The following ZNF536 variants were observed in gnomAD, a reference collection of about 807,000 sequenced individuals.
The protein encoded by ZNF536 is zinc finger protein 536.
In ZNF536, 13 loss-of-function variants were observed where a neutral mutation model predicts 84.5. The ratio of observed to expected loss-of-function variants is 0.15; its 90% CI spans 0.10 to 0.24. ZNF536 has a LOEUF of 0.24. ZNF536 is among the 10% of genes least tolerant of loss of function. The pLI is 1.00. For missense variants in ZNF536, 1,536 were observed against 1,747.5 expected, an observed-to-expected ratio of 0.88 and a Z score of 2.16; for synonymous variants, 811 against 742.5, an observed-to-expected ratio of 1.09 and a Z score of -1.50.
chr19:30,295,814 T>C (rs2045978658), intron 2 of ZNF536, among the ~76,000 whole-genome samples: 1 of 152,214 alleles, frequency 6.6e-6, no homozygotes, highest in Admixed American at 6.5e-5. Context: ...GAATGTTCAT[T>C]CTTTAATTGA....
chr19:30,319,276 A>G (rs2046780938), intron 2 of ZNF536, among the ~76,000 whole-genome samples: 1 of 152,208 alleles, frequency 6.6e-6, no homozygotes, highest in Non-Finnish European at 1.5e-5. Context: ...CTGGAATGAT[A>G]TTCTGCCTTT....
intron 1 of ZNF536, among the ~76,000 whole-genome samples, chr19:30,594,124 A>C (rs959633808): frequency 6.6e-6 from 1 of 152,190 alleles, no homozygotes; most frequent in Non-Finnish European, 1.5e-5. Flanking sequence ...CTTTCTCTGC[A>C]TTCCCCAGAA....
intron 1 of ZNF536, among the ~76,000 whole-genome samples, chr19:30,424,811 G>A (rs75397837): frequency 0.018 from 2,813 of 152,290 alleles, 90 homozygotes; most frequent in African/African-American, 0.063. Context: ...CAAATGGCTA[G>A]GAGGCAGCTG....
intron 1 of ZNF536, among the ~76,000 whole-genome samples, chr19:30,380,224 AT>A (rs1471233274): frequency 1.3e-5 from 2 of 151,980 alleles, no homozygotes; most frequent in Non-Finnish European, 1.5e-5. Flanking sequence ...CTTTTGTCCC[AT>A]TTTCACATGG....
chr19:30,430,048 G>T (rs2051383496), intron 1 of ZNF536, among the ~76,000 whole-genome samples: 1 of 151,944 alleles, frequency 6.6e-6, no homozygotes. Context: ...GTGAAGGGTG[G>T]GGGAGGGGAT....
At chr19:30,626,997 T>A (rs11881705) in intron 1 of ZNF536, among the ~76,000 whole-genome samples, 4,063 of 152,222 alleles carry the variant, frequency 0.027, 180 homozygotes, top group African/African-American at 0.092. Context: ...ATGATGGGAC[T>A]GGCAGTAAGG....
At chr19:30,386,061 T>G (rs150064631) in intron 1 of ZNF536, among the ~76,000 whole-genome samples, 1 of 152,186 alleles carries the variant, frequency 6.6e-6, no homozygotes, top group African/African-American at 2.4e-5. Context: ...TGGTGTTGCA[T>G]CCAAGGCCCC....
At chr19:30,276,976 T>C (rs1303237558) in intron 1 of ZNF536, among the ~76,000 whole-genome samples, 1 of 152,218 alleles carries the variant, frequency 6.6e-6, no homozygotes, top group Non-Finnish European at 1.5e-5. Context: ...ACAGAGCTGA[T>C]GAGCCCAATC....
intron 1 of ZNF536, among the ~76,000 whole-genome samples, chr19:30,683,966 A>G (rs35425489): frequency 0.042 from 6,355 of 152,172 alleles, 169 homozygotes; most frequent in Middle Eastern, 0.078. Flanking sequence ...GCTTTTTTTG[A>G]TACATTAAGA....
chr19:30,333,165 A>G (rs1568338446), intron 2 of ZNF536, among the ~76,000 whole-genome samples: 1 of 151,524 alleles, frequency 6.6e-6, no homozygotes, highest in Non-Finnish European at 1.5e-5. Context: ...AAATAAATTA[A>G]TAAGTAAGTA....
At chr19:30,442,183 A>T (rs556403458) in intron 1 of ZNF536, among the ~76,000 whole-genome samples, 1 of 152,300 alleles carries the variant, frequency 6.6e-6, no homozygotes, top group South Asian at 2.1e-4. Flanking sequence ...AAATAGAAGG[A>T]TCCCAGGCAG....
chr19:30,250,752 C>T (rs1408345942), intron 1 of ZNF536, among the ~76,000 whole-genome samples: 1 of 152,106 alleles, frequency 6.6e-6, no homozygotes, highest in Non-Finnish European at 1.5e-5. Flanking sequence ...TACCACTCCC[C>T]CCATATGATT....
rs1436223097 is a variant in ZNF536 at position 30,228,753 on chromosome 19, G to T, written c.-190+80G>T. 6.6e-6 allele frequency: 1 copy of T among 151,014 alleles called. No homozygotes were observed. Among genetic ancestry groups the T allele is most frequent in the Non-Finnish European group, 1.5e-5 (1 of 67,750 alleles). The allele number at this position is 151,014 out of a possible 1,614,324, so 9.4% of individuals were successfully genotyped here. ...AGCGAGGTGCCGCGAGCTGCGCGCCGCCCCGGGCCGGCCTCGCGTGTGGGC... is the reference window on the plus strand; with the variant it reads ...AGCGAGGTGCCGCGAGCTGCGCGCCTCCCCGGGCCGGCCTCGCGTGTGGGC... On this transcript the variant is annotated intron_variant, in intron 1 of 5. Coordinates refer to the ZNF536 transcript ENST00000585628. The surrounding 1 kb of genome is among the most constrained non-coding windows in gnomAD (Gnocchi z 4.5).
chr19:30,477,282 C>G (rs1055718484), intron 2 of ZNF536, among the ~76,000 whole-genome samples: 1 of 152,126 alleles, frequency 6.6e-6, no homozygotes, highest in African/African-American at 2.4e-5. Flanking sequence ...AATGCAGGTT[C>G]TATGAGGGCA....
intron 3 of ZNF536, among the ~76,000 whole-genome samples, chr19:30,544,478 TCTAAAGA>T (rs1418979623): frequency 1.3e-5 from 2 of 152,182 alleles, no homozygotes; most frequent in African/African-American, 2.4e-5. Flanking sequence ...TATTTTGAAC[TCTAAAGA>T]CAGTGGGTGG....
At position 30,251,294 on chromosome 19, in the gene ZNF536, A is replaced by G. The variant is rs185691630; in HGVS notation, c.-190+22621A>G. On this transcript the variant is annotated intron_variant, in intron 1 of 5. Coordinates refer to the ZNF536 transcript ENST00000585628. ...ACCCATCTAGTAGATTAATGTGGACAATGATGAAATGATGGTTCACAGGTG... is the reference window on the plus strand; with the variant it reads ...ACCCATCTAGTAGATTAATGTGGACGATGATGAAATGATGGTTCACAGGTG... Among the ~76,000 whole-genome samples, 123 of 152,322 alleles carry G rather than the reference A, an allele frequency of 8.1e-4. 2 individuals carry two copies. In the Middle Eastern group the frequency reaches 0.017, roughly 21 times the overall value.
intron 2 of ZNF536, among the ~76,000 whole-genome samples, chr19:30,301,973 C>T (rs1600138503): frequency 6.6e-6 from 1 of 152,186 alleles, no homozygotes; most frequent in Non-Finnish European, 1.5e-5. Flanking sequence ...CTCTGCAAAG[C>T]CAGTGTCAAG....
intron 2 of ZNF536, among the ~76,000 whole-genome samples, chr19:30,528,943 C>T (rs550737339): frequency 3.4e-5 from 5 of 147,744 alleles, no homozygotes; most frequent in Admixed American, 1.3e-4. Flanking sequence ...AAAAAAGCAG[C>T]GGGCAGAGAC....
chr19:30,352,245 G>A (rs2047955224), intron 2 of ZNF536: 1 of 152,200 alleles, frequency 6.6e-6, no homozygotes, highest in Admixed American at 6.5e-5. Context: ...CTCATACACC[G>A]GATTTGATTT....
Sources: allele counts gnomAD v4.1 joint callset (sites outside exome capture counted in the v4.1 genomes callset), GRCh38; gene constraint gnomAD v4.1.1; non-coding constraint Gnocchi (gnomAD v3.1); transcripts MANE v1.5; gene names NCBI Gene and HGNC (gene_info 2026-07-23, HGNC 2026-07-21).